TMTC1: variants seen among roughly 807,000 people sequenced by gnomAD.
TMTC1 encodes protein O-mannosyl-transferase TMTC1.
A neutral mutation model predicts 104.8 loss-of-function variants in TMTC1; 73 were observed. That is an observed-to-expected ratio of 0.70 (90% CI 0.58 to 0.85). The LOEUF (loss-of-function observed/expected upper bound fraction) is 0.85. Ranked by LOEUF, TMTC1 falls within the 40% of genes least tolerant of loss-of-function variation. The probability of loss-of-function intolerance (pLI) is 0.00; values close to 1 mark genes in which losing one functional copy is unlikely to be tolerated. For synonymous variants in TMTC1, 434 were observed against 428.7 expected (o/e 1.01, Z -0.15); for missense variants, 1,035 against 1,096.1 (o/e 0.94, Z 0.79).
intron 1 of TMTC1, among the ~76,000 whole-genome samples, chr12:29,772,104 T>C (rs1201247143): frequency 2.6e-5 from 4 of 152,220 alleles, no homozygotes; most frequent in African/African-American, 7.2e-5. Flanking sequence ...AAGGCTAGGT[T>C]TAGCCTGCAG....
Position 29,601,066 on chromosome 12 carries a change from C to T in TMTC1, c.1250+3112G>A, listed in dbSNP as rs560623226. On this transcript the variant is annotated intron_variant, in intron 7 of 17. Coordinates refer to ENST00000539277, the MANE Select transcript of TMTC1 (RefSeq NM_001193451.2). ...TTGCTGTTGGTAATATTGATGCTTTCTTTTCAGTACTTTTATTTTAACCCA... is the reference window on the plus strand; with the variant it reads ...TTGCTGTTGGTAATATTGATGCTTTTTTTTCAGTACTTTTATTTTAACCCA... Among the ~76,000 whole-genome samples, 5 of 152,272 alleles carry T rather than the reference C, an allele frequency of 3.3e-5. No individual in the cohort carries two copies. The East Asian group carries it at 7.7e-4, about 24-fold the overall frequency.
chr12:29,769,423 T>C (rs1943546755), intron 1 of TMTC1, among the ~76,000 whole-genome samples: 1 of 151,994 alleles, frequency 6.6e-6, no homozygotes, highest in Non-Finnish European at 1.5e-5. Context: ...AGGAGCCTGG[T>C]GGGAAATTGC....
chr12:29,782,122 G>A (rs1330857744), intron 1 of TMTC1, among the ~76,000 whole-genome samples: 1 of 152,204 alleles, frequency 6.6e-6, no homozygotes, highest in Non-Finnish European at 1.5e-5. Context: ...TTGTCCCAAG[G>A]AGATTTTAAG....
intron 9 of TMTC1, among the ~76,000 whole-genome samples, chr12:29,569,603 G>A (rs1945611480): frequency 6.6e-6 from 1 of 152,074 alleles, no homozygotes; most frequent in Non-Finnish European, 1.5e-5. Flanking sequence ...AGTTACCAAG[G>A]ATAAATAATC....
Position 29,724,502 on chromosome 12 carries a change from C to T in TMTC1, c.938+27164G>A, listed in dbSNP as rs534010321. Among the ~76,000 whole-genome samples the T allele has an allele frequency of 1.2e-3, 179 of 152,234 alleles. 2 individuals are homozygous for T. Among genetic ancestry groups the T allele is most frequent in the African/African-American group, 3.9e-3 (163 of 41,544 alleles). ...AAAAGTAAAAACCCAAATTTCTTTCCATCACCACATTCTGGATGATAAGTG... is the reference window on the plus strand; with the variant it reads ...AAAAGTAAAAACCCAAATTTCTTTCTATCACCACATTCTGGATGATAAGTG... On this transcript the variant is annotated intron_variant, in intron 5 of 17. Coordinates refer to ENST00000539277, the MANE Select transcript of TMTC1 (RefSeq NM_001193451.2).
At chr12:29,625,314 T>A (rs1006198639) in intron 6 of TMTC1, among the ~76,000 whole-genome samples, 35 of 152,164 alleles carry the variant, frequency 2.3e-4, no homozygotes, top group African/African-American at 8.4e-4. Flanking sequence ...CAAAACAGGA[T>A]TATTCCCACT....
At chr12:29,558,389 G>T (rs1396842759) in intron 9 of TMTC1, among the ~76,000 whole-genome samples, 1 of 152,148 alleles carries the variant, frequency 6.6e-6, no homozygotes, top group Non-Finnish European at 1.5e-5. Flanking sequence ...GACAGAAGAG[G>T]TTCCTATTAA....
At chr12:29,680,579 T>C (rs1456311126) in intron 5 of TMTC1, among the ~76,000 whole-genome samples, 2 of 152,300 alleles carry the variant, frequency 1.3e-5, no homozygotes, top group East Asian at 3.9e-4. Flanking sequence ...TTGCCTATGG[T>C]AATATTATCC....
chr12:29,660,935 A>ACTT, intron 5 of TMTC1: 10 of 1,145,180 alleles, frequency 8.7e-6, no homozygotes, highest in Non-Finnish European at 1.2e-5. Context: ...TACCAGACAC[A>ACTT]ATGTTCTCCT....
intron 11 of TMTC1, chr12:29,521,106 T>C: frequency 5.6e-6 from 1 of 178,122 alleles, no homozygotes; most frequent in Non-Finnish European, 1.2e-5. Flanking sequence ...AATGGTGGAA[T>C]GTTTTCAGAG....
chr12:29,584,297 C>T (rs188252216), intron 7 of TMTC1, among the ~76,000 whole-genome samples: 8 of 152,268 alleles, frequency 5.3e-5, no homozygotes, highest in Non-Finnish European at 1.2e-4. Context: ...CATCTATGCA[C>T]CAACAGAGAT....
chr12:29,688,909 C>T (rs1256068402), intron 5 of TMTC1, among the ~76,000 whole-genome samples: 1 of 152,070 alleles, frequency 6.6e-6, no homozygotes, highest in Admixed American at 6.6e-5. Context: ...CATTTCCTGT[C>T]CTCCCTGGTG....
chr12:29,590,487 C>T (rs766891061), intron 7 of TMTC1, among the ~76,000 whole-genome samples: 62 of 152,278 alleles, frequency 4.1e-4, no homozygotes, highest in Non-Finnish European at 7.9e-4. Flanking sequence ...CCCCCTTTGC[C>T]TTTAAAAATC....
intron 10 of TMTC1, among the ~76,000 whole-genome samples, chr12:29,550,638 G>A (rs756947845): frequency 9.9e-5 from 15 of 152,160 alleles, no homozygotes; most frequent in Non-Finnish European, 1.3e-4. Context: ...TAAAAAGCCA[G>A]TGGCCAGGCC....
intron 6 of TMTC1, among the ~76,000 whole-genome samples, chr12:29,606,972 T>TG (rs1946716400): frequency 8.3e-6 from 1 of 120,168 alleles, no homozygotes; most frequent in South Asian, 2.6e-4. Flanking sequence ...CCAACCTTCC[T>TG]GCCCCCCCCC....
intron 5 of TMTC1, chr12:29,658,443 T>C (rs1269518393): frequency 3.3e-5 from 5 of 152,342 alleles, no homozygotes; most frequent in Non-Finnish European, 5.9e-5. Flanking sequence ...TCACAGAGTG[T>C]GCTTCTCTGC....
chr12:29,575,776 G>A (rs1945805815), intron 8 of TMTC1, among the ~76,000 whole-genome samples: 1 of 152,194 alleles, frequency 6.6e-6, no homozygotes, highest in Non-Finnish European at 1.5e-5. Context: ...ACGGATTGCT[G>A]GATCACATGG....
chr12:29,541,399 AC>A (rs1217902378), intron 10 of TMTC1, among the ~76,000 whole-genome samples: 1 of 151,882 alleles, frequency 6.6e-6, no homozygotes, highest in Non-Finnish European at 1.5e-5. Context: ...AAATTATCTG[AC>A]CCCCATGCAT....
chr12:29,689,654 T>C (rs1941205340), intron 5 of TMTC1, among the ~76,000 whole-genome samples: 2 of 152,216 alleles, frequency 1.3e-5, no homozygotes, highest in Admixed American at 1.3e-4. Flanking sequence ...TTTTAATACT[T>C]TCCTGAACAT....
Sources: gnomAD v4.1 joint callset for allele counts (sites outside exome capture counted in the v4.1 genomes callset) on GRCh38, gnomAD v4.1.1 for gene constraint, MANE v1.5 for transcripts, NCBI Gene and HGNC (gene_info 2026-07-23, HGNC 2026-07-21) for gene names.